The following STT3B variants were observed in gnomAD, a reference collection of about 807,000 sequenced individuals.
STT3B encodes the protein STT3 oligosaccharyltransferase complex catalytic subunit B.
In STT3B, 29 loss-of-function variants were observed where a neutral mutation model predicts 96.8. The observed-to-expected ratio is 0.30, with a 90% CI of 0.22 to 0.41. The LOEUF is 0.41. STT3B is among the 10% of genes least tolerant of loss of function. The pLI is 1.00. For missense variants in STT3B, 640 were observed against 1,022.3 expected, an observed-to-expected ratio of 0.63 and a Z score of 5.10; for synonymous variants, 367 against 360.0, an observed-to-expected ratio of 1.02 and a Z score of -0.22.
At chr3:31,567,485 C>T (rs997674772) in intron 1 of STT3B, among the ~76,000 whole-genome samples, 4 of 152,100 alleles carry the variant, frequency 2.6e-5, no homozygotes, top group African/African-American at 9.7e-5. Flanking sequence ...ACATGTTTGT[C>T]GCTCATTGTG....
intron 3 of STT3B, among the ~76,000 whole-genome samples, chr3:31,588,989 A>C (rs531609943): frequency 2.0e-5 from 3 of 152,014 alleles, no homozygotes; most frequent in African/African-American, 7.2e-5. Flanking sequence ...TAAACATTCA[A>C]ATTGATTTGT....
Position 31,546,498 on chromosome 3 carries a change from C to A in STT3B, c.314+13186C>A, listed in dbSNP as rs371554246. On this transcript the variant is annotated intron_variant, in intron 1 of 15. Coordinates refer to ENST00000295770, the MANE Select transcript of STT3B (RefSeq NM_178862.3). ...TCAAAGGGGGAGAAAGCTGCCAGGT[C>A]AACTAAGGGTTAAGCTTGGAATAGA... Among the ~76,000 whole-genome samples, 5 of 152,218 alleles carry A rather than the reference C, an allele frequency of 3.3e-5. No homozygotes were observed. The South Asian group carries it at 6.2e-4, about 19-fold the overall frequency.
chr3:31,545,464 ATAAAT>A (rs994614877), intron 1 of STT3B, among the ~76,000 whole-genome samples: 5 of 152,222 alleles, frequency 3.3e-5, no homozygotes, highest in Admixed American at 6.5e-5. Flanking sequence ...TAAATTTTAA[ATAAAT>A]TGAAGTATAT....
chr3:31,592,758 C>T (rs1450249886), intron 3 of STT3B, among the ~76,000 whole-genome samples: 1 of 152,142 alleles, frequency 6.6e-6, no homozygotes, highest in Non-Finnish European at 1.5e-5. Context: ...TTCACGGTGA[C>T]TTTCTAATTT....
intron 1 of STT3B, among the ~76,000 whole-genome samples, chr3:31,544,085 AT>A (rs2125436564): frequency 6.6e-6 from 1 of 152,342 alleles, no homozygotes; most frequent in South Asian, 2.1e-4. Flanking sequence ...CATTGCATAC[AT>A]AGGCATTAGT....
chr3:31,632,369 G>A (rs953496587), intron 14 of STT3B, among the ~76,000 whole-genome samples: 3 of 152,128 alleles, frequency 2.0e-5, no homozygotes, highest in South Asian at 2.1e-4. Flanking sequence ...CATCCCAATC[G>A]AAGATACAGG....
chr3:31,566,287 G>A (rs1698004022), intron 1 of STT3B, among the ~76,000 whole-genome samples: 1 of 152,178 alleles, frequency 6.6e-6, no homozygotes, highest in South Asian at 2.1e-4. Context: ...GCTTAAGAAT[G>A]TGGGCACCAG....
Position 31,535,592 on chromosome 3 carries a change from C to T in STT3B, c.314+2280C>T, listed in dbSNP as rs150480290. 1.2e-3 allele frequency among the ~76,000 whole-genome samples: 187 copies of T among 152,044 alleles called. 2 individuals are homozygous for T. Among genetic ancestry groups the T allele is most frequent in the Middle Eastern group, 6.8e-3 (2 of 294 alleles). On this transcript the variant is annotated intron_variant, in intron 1 of 15. Coordinates refer to ENST00000295770, the MANE Select transcript of STT3B (RefSeq NM_178862.3). ...TACAAAAATTAGCCGGGAGTGGTGT[C>T]GGGCGCCTGTAATCCAGCTACTTGG...
intron 1 of STT3B, among the ~76,000 whole-genome samples, chr3:31,541,006 A>G (rs112317750): frequency 0.016 from 2,500 of 152,340 alleles, 36 homozygotes; most frequent in Middle Eastern, 0.044. Context: ...ATTATTATAC[A>G]TCTTATTTAT....
chr3:31,595,342 A>G (rs981903306), intron 3 of STT3B, among the ~76,000 whole-genome samples: 7 of 152,152 alleles, frequency 4.6e-5, no homozygotes, highest in African/African-American at 1.7e-4. Context: ...ACAAAGTCCT[A>G]ACTTTTCTCC....
chr3:31,623,881 A>T lies in STT3B; in HGVS notation c.1727+20A>T, dbSNP rs748973529. 4 of 1,548,742 alleles carry T rather than the reference A, an allele frequency of 2.6e-6. No individual in the cohort carries two copies. The highest frequency in any genetic ancestry group is 3.5e-6 in the Non-Finnish European group (4 of 1,137,126). On this transcript the variant is annotated intron_variant, in intron 11 of 15. Transcript: ENST00000295770. ...TGATGGGTAAGAAAATAACTCGGAT[A>T]CAAAAACATTTTATACTTACACTTC...
chr3:31,536,927 C>T (rs1697114910), intron 1 of STT3B, among the ~76,000 whole-genome samples: 1 of 152,108 alleles, frequency 6.6e-6, no homozygotes, highest in Non-Finnish European at 1.5e-5. Context: ...AGCCAGATAC[C>T]TTCTCCATAT....
intron 5 of STT3B, 48 bp from the exon 6 acceptor site, chr3:31,615,057 C>T (rs374333182): frequency 1.5e-5 from 18 of 1,166,950 alleles, no homozygotes; most frequent in Non-Finnish European, 2.0e-5. Context: ...GTTTTAGGTA[C>T]TTAATGGTAG....
intron 1 of STT3B, among the ~76,000 whole-genome samples, chr3:31,566,553 C>A (rs1698011601): frequency 6.6e-6 from 1 of 152,132 alleles, no homozygotes; most frequent in South Asian, 2.1e-4. Flanking sequence ...TTTCTTCCTT[C>A]AGCACACCAT....
chr3:31,632,838 AG>A, intron 14 of STT3B, 96 bp from the exon 15 acceptor site: 3 of 1,026,740 alleles, frequency 2.9e-6, no homozygotes, highest in Non-Finnish European at 4.4e-6. Flanking sequence ...CCTAGTTTAA[AG>A]GGAGAAGGTA....
At chr3:31,629,005 C>G (rs1369455265) in intron 13 of STT3B, among the ~76,000 whole-genome samples, 1 of 152,072 alleles carries the variant, frequency 6.6e-6, no homozygotes, top group Admixed American at 6.6e-5. Flanking sequence ...ACTTGAGAGG[C>G]TGAAATGGGA....
chr3:31,624,440 A>T (rs1457092187), intron 11 of STT3B, among the ~76,000 whole-genome samples: 1 of 152,234 alleles, frequency 6.6e-6, no homozygotes, highest in African/African-American at 2.4e-5. Context: ...TTACCATGAA[A>T]CTTGTTAGAA....
At chr3:31,618,378 T>G (rs571390446) in intron 8 of STT3B, among the ~76,000 whole-genome samples, 3 of 152,106 alleles carry the variant, frequency 2.0e-5, no homozygotes, top group Non-Finnish European at 2.9e-5. Flanking sequence ...AAAATTTAAT[T>G]TTTTCTAATA....
At chr3:31,563,386 A>G (rs1397519211) in intron 1 of STT3B, among the ~76,000 whole-genome samples, 1 of 152,224 alleles carries the variant, frequency 6.6e-6, no homozygotes, top group African/African-American at 2.4e-5. Context: ...AGTACTAAGC[A>G]TTTGGGATAT....
Sources: gnomAD v4.1 joint callset for allele counts (sites outside exome capture counted in the v4.1 genomes callset) on GRCh38, gnomAD v4.1.1 for gene constraint, MANE v1.5 for transcripts, NCBI Gene and HGNC (gene_info 2026-07-23, HGNC 2026-07-21) for gene names.